Variants in RRAS2 observed in about 807,000 individuals in gnomAD.
RRAS2 encodes ras-related protein R-Ras2.
A neutral mutation model predicts 27.6 loss-of-function variants in RRAS2; 7 were observed. The observed-to-expected ratio is 0.25, with a 90% CI of 0.14 to 0.48. RRAS2 has a LOEUF of 0.48. Ranked by LOEUF, RRAS2 falls within the 20% of genes least tolerant of loss-of-function variation. The pLI, the probability that RRAS2 is intolerant of heterozygous loss-of-function variation, is 0.99. For synonymous variants in RRAS2, 86 were observed against 90.9 expected (o/e 0.95, Z 0.31); for missense variants, 178 against 256.2 (o/e 0.69, Z 2.08).
At chr11:14,361,072 T>A (rs1332122826), upstream of RRAS2, among the ~76,000 whole-genome samples, 6 of 151,980 alleles carry the variant, frequency 3.9e-5, no homozygotes, top group African/African-American at 1.5e-4. Flanking sequence ...GATTGCTCGC[T>A]TGAGCCCAGG....
In RRAS2 at chr11:14,326,877, G is replaced by A. The variant is rs1379823722; in HGVS notation, c.109-31022C>T. ...AGATCGAGACCATCCCGGCTAAAAC[G>A]GTGAAACCCCGTCTCTACTAAAAAT... On this transcript the variant is annotated intron_variant, in intron 1 of 5. Coordinates refer to ENST00000256196, the MANE Select transcript of RRAS2 (RefSeq NM_012250.6). 8.6e-5 allele frequency among the ~76,000 whole-genome samples: 2 copies of A among 23,274 alleles called. 1 individual carries two copies. Among genetic ancestry groups the A allele is most frequent in the African/African-American group, 1.8e-4 (2 of 11,100 alleles). 15.3% of individuals were successfully genotyped at this position (23,274 alleles called of 152,430 possible). A position where few individuals can be genotyped will look rare whatever the true frequency, so the allele number is the denominator to read the frequency against.
At chr11:14,280,609 C>G (rs1408055135) in intron 5 of RRAS2, among the ~76,000 whole-genome samples, 2 of 151,496 alleles carry the variant, frequency 1.3e-5, no homozygotes, top group African/African-American at 4.9e-5. Flanking sequence ...GCCTGTAAAT[C>G]CCAGCTATTC....
chr11:14,340,548 G>A (rs1848683177), intron 1 of RRAS2, among the ~76,000 whole-genome samples: 1 of 152,154 alleles, frequency 6.6e-6, no homozygotes, highest in Non-Finnish European at 1.5e-5. Flanking sequence ...TCACTGGAAT[G>A]AGAAGAATGG....
At chr11:14,357,999 G>A (rs1424075118) in intron 1 of RRAS2, among the ~76,000 whole-genome samples, 1 of 152,160 alleles carries the variant, frequency 6.6e-6, no homozygotes, top group Non-Finnish European at 1.5e-5. Context: ...GGGGGTAGGG[G>A]AGAGGGTGGT....
intron 1 of RRAS2, chr11:14,354,504 GAAGT>G (rs1193001356): frequency 2.0e-5 from 3 of 152,022 alleles, no homozygotes; most frequent in East Asian, 3.9e-4. Flanking sequence ...ATACCACACA[GAAGT>G]AAGGAGGGGA....
At chr11:14,342,528 T>C (rs1480195063) in intron 1 of RRAS2, among the ~76,000 whole-genome samples, 2 of 152,180 alleles carry the variant, frequency 1.3e-5, no homozygotes, top group Non-Finnish European at 2.9e-5. Flanking sequence ...TTGAAACCCT[T>C]AGTAATATAA....
chr11:14,313,645 G>A (rs1554949142), intron 1 of RRAS2, among the ~76,000 whole-genome samples: 1 of 152,180 alleles, frequency 6.6e-6, no homozygotes, highest in African/African-American at 2.4e-5. Flanking sequence ...ATAACCCAGA[G>A]AGGAAGGCCA....
chr11:14,283,804 G>A lies in RRAS2; in HGVS notation c.409-2084C>T, dbSNP rs535406219. Among the ~76,000 whole-genome samples the A allele has an allele frequency of 6.6e-5, 10 of 151,916 alleles. No individual in the cohort carries two copies. The South Asian group carries it at 1.0e-3, about 16-fold the overall frequency. ...TTTCTCTTTTTTATCTGATCATTCC[G>A]GCAAGAGTCTTGTCAATTTGACTGA... On this transcript the variant is annotated intron_variant, in intron 4 of 5. Transcript: ENST00000256196.
intron 1 of RRAS2, among the ~76,000 whole-genome samples, chr11:14,328,359 TC>T (rs1446189474): frequency 6.3e-5 from 2 of 31,976 alleles, no homozygotes; most frequent in Non-Finnish European, 1.2e-4. Context: ...AGAGCAAAAC[TC>T]CAACTCAAAA....
At chr11:14,290,499 T>A (rs1319904867) in intron 4 of RRAS2, among the ~76,000 whole-genome samples, 1 of 152,160 alleles carries the variant, frequency 6.6e-6, no homozygotes, top group Non-Finnish European at 1.5e-5. Context: ...AATTTCATGC[T>A]ATAGTATCTC....
chr11:14,344,265 T>G (rs1470534011), intron 1 of RRAS2, among the ~76,000 whole-genome samples: 1 of 152,230 alleles, frequency 6.6e-6, no homozygotes, highest in African/African-American at 2.4e-5. Flanking sequence ...AATTTAAACA[T>G]CTGCAACTCG....
In RRAS2 at chr11:14,358,296, C is replaced by T; in HGVS notation, c.108+467G>A. Reference sequence around the variant, plus strand: ...TCCGGCTCAGGCGGCGCGGGGAAGCCCGGAGACCACGCGGAGCCGCGGCCA... The same window carrying T: ...TCCGGCTCAGGCGGCGCGGGGAAGCTCGGAGACCACGCGGAGCCGCGGCCA... On this transcript the variant is annotated intron_variant, in intron 1 of 5. Coordinates refer to ENST00000256196, the MANE Select transcript of RRAS2 (RefSeq NM_012250.6). The surrounding 1 kb of genome is among the most constrained non-coding windows in gnomAD (Gnocchi z 5.1). The T allele has an allele frequency of 1.0e-6, 1 of 985,470 alleles. No individual in the cohort carries two copies. Among genetic ancestry groups the T allele is most frequent in the East Asian group, 1.1e-4 (1 of 8,804 alleles). The allele number at this position is 985,470 out of a possible 1,614,324, so 61.0% of individuals were successfully genotyped here.
chr11:14,313,476 CAA>C (rs1203959647), intron 1 of RRAS2, among the ~76,000 whole-genome samples: 26 of 152,168 alleles, frequency 1.7e-4, no homozygotes, highest in African/African-American at 6.0e-4. Context: ...TGGTGGCATC[CAA>C]AAAAGATATA....
chr11:14,323,866 G>A (rs142277761), intron 1 of RRAS2, among the ~76,000 whole-genome samples: 4 of 151,390 alleles, frequency 2.6e-5, no homozygotes, highest in African/African-American at 9.7e-5. Flanking sequence ...AGAAATTCAG[G>A]AACAGAATAT....
At chr11:14,305,094 G>A (rs1324404815) in intron 1 of RRAS2, among the ~76,000 whole-genome samples, 3 of 152,156 alleles carry the variant, frequency 2.0e-5, no homozygotes, top group African/African-American at 7.2e-5. Flanking sequence ...GAGGTCTTCA[G>A]TGTTGCCAGT....
chr11:14,356,334 C>A (rs1849073131), intron 1 of RRAS2, among the ~76,000 whole-genome samples: 1 of 152,202 alleles, frequency 6.6e-6, no homozygotes, highest in Non-Finnish European at 1.5e-5. Context: ...CTCCCCACCA[C>A]CAAGCCTACA....
chr11:14,341,558 ACT>A (rs1215859551), intron 1 of RRAS2, among the ~76,000 whole-genome samples: 2 of 152,114 alleles, frequency 1.3e-5, no homozygotes, highest in African/African-American at 4.8e-5. Flanking sequence ...ATAAGAATGT[ACT>A]CAAGTTTTAT....
chr11:14,296,551 C>A (rs1024792489), intron 1 of RRAS2, among the ~76,000 whole-genome samples: 1 of 152,142 alleles, frequency 6.6e-6, no homozygotes, highest in African/African-American at 2.4e-5. Flanking sequence ...TGATTATAAT[C>A]ATCAGTCCTA....
At chr11:14,352,781 G>GGAGAGA (rs376706893) in intron 1 of RRAS2, among the ~76,000 whole-genome samples, 3 of 129,114 alleles carry the variant, frequency 2.3e-5, no homozygotes, top group South Asian at 5.3e-4. Context: ...AGAGAGAGAG[G>GGAGAGA]GAGAGAGAGA....
Sources: gnomAD v4.1 joint callset for allele counts (sites outside exome capture counted in the v4.1 genomes callset) on GRCh38, gnomAD v4.1.1 for gene constraint, Gnocchi (gnomAD v3.1) non-coding constraint, MANE v1.5 for transcripts, NCBI Gene and HGNC (gene_info 2026-07-23, HGNC 2026-07-21) for gene names.